The following FXYD7 variants were observed in gnomAD, a reference collection of about 807,000 sequenced individuals.
FXYD7 encodes the protein FXYD domain-containing ion transport regulator 7.
A neutral mutation model predicts 15.3 loss-of-function variants in FXYD7; 7 were observed. The ratio of observed to expected loss-of-function variants is 0.46; its 90% CI spans 0.26 to 0.86. The LOEUF is 0.86. FXYD7 is among the 40% of genes least tolerant of loss of function. The pLI, the probability that FXYD7 is intolerant of heterozygous loss-of-function variation, is 0.16. For missense variants in FXYD7, 78 were observed against 100.6 expected, an observed-to-expected ratio of 0.78 and a Z score of 0.96; for synonymous variants, 39 against 39.3, an observed-to-expected ratio of 0.99 and a Z score of 0.03.
chr19:35,153,072 T>G (rs1454649126), intron 5 of FXYD7, among the ~76,000 whole-genome samples: 1 of 127,552 alleles, frequency 7.8e-6, no homozygotes, highest in Admixed American at 9.6e-5. Flanking sequence ...TGAGACAGAG[T>G]CTTGCTGTGT....
rs146534007 is a variant in FXYD7, at chr19:35,144,058, A to AG, written c.31+694_31+695insG. 4.4e-4 allele frequency among the ~76,000 whole-genome samples: 66 copies of AG among 151,148 alleles called. No individual in the cohort carries two copies. The East Asian group carries it at 9.0e-3, about 21-fold the overall frequency. ...TAGACAGAGATGCAGAGAGAGAGAG[A>AG]AAAAAAAATGAGAGCCTGGGAGATA... On this transcript the variant is annotated intron_variant, in intron 1 of 5. Transcript: ENST00000270310.
chr19:35,151,563 A>C, intron 4 of FXYD7, 70 bp from the exon 5 acceptor site: 1 of 1,590,046 alleles, frequency 6.3e-7, no homozygotes, highest in Non-Finnish European at 8.6e-7. Context: ...TGGGCCTGCC[A>C]TGCGTTTTCC....
At chr19:35,151,148 C>T in intron 2 of FXYD7, 106 bp from the exon 3 acceptor site, 1 of 791,110 alleles carries the variant, frequency 1.3e-6, no homozygotes, top group Non-Finnish European at 2.3e-6. Context: ...CCACAGCCTC[C>T]CTGGGCGATT....
intron 1 of FXYD7, among the ~76,000 whole-genome samples, chr19:35,145,138 C>T (rs1050685841): frequency 1.3e-5 from 2 of 152,088 alleles, no homozygotes; most frequent in African/African-American, 2.4e-5. Context: ...AAGATTGAAA[C>T]CTGCATCTCA....
Position 35,143,346 on chromosome 19 carries a change from A to G in FXYD7, c.13A>G (p.Thr5Ala). The stretch of plus-strand genomic sequence containing the variant: ...GCTCCGGCCCAGCATGGCGACCCCG[A>G]CCCAGACCCCCACAAAGGGTGAGCG... MATP[T>A]QTPTKAPEEP... Residue 5 changes from threonine (T) to alanine (A), a missense_variant, in exon 1 of 6, where the codon ACC becomes GCC. By Grantham distance (58) the Thr-to-Ala change is moderately conservative. Transcript: ENST00000270310. This position sits in a 1 kb window ranked among gnomAD's most constrained non-coding sequence, Gnocchi z 4.3. 1 of 1,523,708 alleles carries G rather than the reference A, an allele frequency of 6.6e-7. No homozygotes were observed. 94.4% of individuals were successfully genotyped at this position (1,523,708 alleles called of 1,614,324 possible).
intron 1 of FXYD7, 91 bp from the exon 2 acceptor site, chr19:35,148,603 C>T (rs960601783): frequency 1.9e-6 from 2 of 1,061,214 alleles, no homozygotes; most frequent in Admixed American, 2.8e-5. Flanking sequence ...AATGATTAGG[C>T]CAGTGGCTCC....
Position 35,143,553 on chromosome 19 carries a change from C to A in FXYD7, c.31+189C>A, listed in dbSNP as rs1164533444. ...CCTCCGGGTCTCTGGGACACCCCCTCCCCGGCAGGCGTCCTGTGCCAGACC... is the reference window on the plus strand; with the variant it reads ...CCTCCGGGTCTCTGGGACACCCCCTACCCGGCAGGCGTCCTGTGCCAGACC... On this transcript the variant is annotated intron_variant, in intron 1 of 5. Coordinates refer to ENST00000270310, the MANE Select transcript of FXYD7 (RefSeq NM_022006.2). The surrounding 1 kb of genome is among the most constrained non-coding windows in gnomAD (Gnocchi z 4.3). Among the ~76,000 whole-genome samples the A allele has an allele frequency of 6.6e-6, 1 of 152,232 alleles. No homozygotes were observed. The highest frequency in any genetic ancestry group is 6.5e-5 in the Admixed American group (1 of 15,282).
intron 1 of FXYD7, among the ~76,000 whole-genome samples, chr19:35,146,380 G>T (rs564823455): frequency 6.6e-6 from 1 of 152,078 alleles, no homozygotes; most frequent in Admixed American, 6.5e-5. Context: ...CTCGTGATCC[G>T]CCCACCTTGT....
rs2065276258 is a variant in FXYD7 at position 35,143,392 on chromosome 19, A to AG, written c.31+34dup. The AG allele has an allele frequency of 1.0e-5, 15 of 1,490,450 alleles. No individual in the cohort carries two copies. The highest frequency in any genetic ancestry group is 1.7e-4 in the Middle Eastern group (1 of 5,774). 92.3% of individuals were successfully genotyped at this position (1,490,450 alleles called of 1,614,324 possible). The stretch of plus-strand genomic sequence containing the variant: ...GAGCGTCGTTTGGGGAGGGGGTTGC[A>AG]GGGGGGCTCCGGGATCTGAGAGCCT... On this transcript the variant is annotated intron_variant, in intron 1 of 5. Coordinates refer to ENST00000270310, the MANE Select transcript of FXYD7 (RefSeq NM_022006.2). This position sits in a 1 kb window ranked among gnomAD's most constrained non-coding sequence, Gnocchi z 4.3.
Position 35,151,769 on chromosome 19 carries a change from G to C in FXYD7, c.220+96G>C, listed in dbSNP as rs990900932. 174 of 773,090 alleles carry C rather than the reference G, an allele frequency of 2.3e-4. 1 individual carries two copies. The highest frequency in any genetic ancestry group is 2.0e-4 in the Admixed American group (11 of 56,242). The allele number at this position is 773,090 out of a possible 1,614,324, so 47.9% of individuals were successfully genotyped here. ...AGTCGCGGGGATGGACTGGACGCAGGGGGCGGAGGGGGGGTGGTGCCTGCA... is the reference window on the plus strand; with the variant it reads ...AGTCGCGGGGATGGACTGGACGCAGCGGGCGGAGGGGGGGTGGTGCCTGCA... On this transcript the variant is annotated intron_variant, in intron 5 of 5. Coordinates refer to ENST00000270310, the MANE Select transcript of FXYD7 (RefSeq NM_022006.2).
chr19:35,151,178 AC>A, intron 2 of FXYD7, 75 bp from the exon 3 acceptor site: 1 of 965,298 alleles, frequency 1.0e-6, no homozygotes, highest in Admixed American at 1.7e-5. Flanking sequence ...TGGCTGGGCC[AC>A]CCAGAGCCAG....
rs373268970 is a variant in FXYD7 at position 35,149,413 on chromosome 19, T to A, written c.61+690T>A. On this transcript the variant is annotated intron_variant, in intron 2 of 5. Coordinates refer to ENST00000270310, the MANE Select transcript of FXYD7 (RefSeq NM_022006.2). ...GGCTCCCCCTTATTCAGGCCTCAGA[T>A]CAAACATAGACTACTCTACTGGGAT... 91 of 236,008 alleles carry A rather than the reference T, an allele frequency of 3.9e-4. No individual in the cohort carries two copies. In the South Asian group the frequency reaches 4.2e-3, roughly 11 times the overall value. 14.6% of individuals were successfully genotyped at this position (236,008 alleles called of 1,614,324 possible).
chr19:35,146,144 C>CT (rs200223844), intron 1 of FXYD7, among the ~76,000 whole-genome samples: 5,197 of 143,844 alleles, frequency 0.036, 104 homozygotes, highest in Middle Eastern at 0.058. Context: ...AATTAATCTT[C>CT]TTTTTTTTTT....
rs371278648 is a variant in FXYD7 at position 35,147,631 on chromosome 19, T to TAC, written c.32-1051_32-1050dup. ...GTAGAGTTCCAAACATATTTACACATACACACACACACAGGGAAAACTATT... is the reference window on the plus strand; with the variant it reads ...GTAGAGTTCCAAACATATTTACACATACACACACACACACAGGGAAAACTATT... On this transcript the variant is annotated intron_variant, in intron 1 of 5. Transcript: ENST00000270310. 3.8e-3 allele frequency among the ~76,000 whole-genome samples: 581 copies of TAC among 151,870 alleles called. 2 individuals are homozygous for TAC. Among genetic ancestry groups the TAC allele is most frequent in the African/African-American group, 0.013 (546 of 41,442 alleles).
chr19:35,144,580 C>G (rs1295671547), intron 1 of FXYD7, among the ~76,000 whole-genome samples: 8 of 151,602 alleles, frequency 5.3e-5, no homozygotes, highest in Admixed American at 4.6e-4. Flanking sequence ...CCCTCCCTTC[C>G]GCGCTTCCCA....
chr19:35,149,356 G>A, intron 2 of FXYD7: 1 of 310,894 alleles, frequency 3.2e-6, no homozygotes, highest in Non-Finnish European at 6.4e-6. Context: ...TGATTCTGCA[G>A]TAATGCTTCT....
In FXYD7 at chr19:35,153,961, G is replaced by T. The variant is rs1340484355; in HGVS notation, c.*45G>T. 6.3e-7 allele frequency: 1 copy of T among 1,598,234 alleles called. No individual in the cohort carries two copies. Among genetic ancestry groups the T allele is most frequent in the Middle Eastern group, 2.0e-4 (1 of 5,078 alleles). The stretch of plus-strand genomic sequence containing the variant: ...CGCTGCCGACCCTGCCTGAGCGCGG[G>T]AGCCTGAGGACCGGGTGGAGGCGGT... On this transcript the variant is annotated 3_prime_UTR_variant, in exon 6 of 6. Transcript: ENST00000270310.
chr19:35,146,136 T>C (rs2065288148), intron 1 of FXYD7, among the ~76,000 whole-genome samples: 1 of 150,628 alleles, frequency 6.6e-6, no homozygotes, highest in African/African-American at 2.4e-5. Context: ...AACTGGAAAA[T>C]TAATCTTCTT....
Position 35,154,056 on chromosome 19 carries a change from C to A in FXYD7, c.*140C>A. 1.4e-6 allele frequency: 1 copy of A among 709,888 alleles called. No individual in the cohort carries two copies. The highest frequency in any genetic ancestry group is 2.4e-6 in the Non-Finnish European group (1 of 417,116). The allele number at this position is 709,888 out of a possible 1,614,324, so 44.0% of individuals were successfully genotyped here. A position where few individuals can be genotyped will look rare whatever the true frequency, so the allele number is the denominator to read the frequency against. On this transcript the variant is annotated 3_prime_UTR_variant, in exon 6 of 6. Coordinates refer to ENST00000270310, the MANE Select transcript of FXYD7 (RefSeq NM_022006.2). ...CCCACCCACCCCAAGGCTGGAGCCG[C>A]TGCACCCTGCTGTCCCTCTCCAGGC...
Sources: allele counts gnomAD v4.1 joint callset (sites outside exome capture counted in the v4.1 genomes callset), GRCh38; gene constraint gnomAD v4.1.1; non-coding constraint Gnocchi (gnomAD v3.1); transcripts MANE v1.5; gene names NCBI Gene and HGNC (gene_info 2026-07-23, HGNC 2026-07-21).